Variants in UVRAG observed in about 807,000 individuals in gnomAD.
The protein encoded by UVRAG is UV radiation resistance-associated gene protein.
Under a neutral mutation model 78.0 loss-of-function variants are expected in UVRAG, and 19 were observed. That is an observed-to-expected ratio of 0.24 (90% CI 0.17 to 0.36). The LOEUF is 0.36. UVRAG is among the 10% of genes least tolerant of loss of function. UVRAG has a pLI of 1.00. For missense variants in UVRAG, 740 were observed against 853.8 expected (o/e 0.87, Z 1.66); for synonymous variants, 323 against 324.6 (o/e 1.00, Z 0.05).
chr11:76,086,957 C>G (rs1239999781), intron 13 of UVRAG, among the ~76,000 whole-genome samples: 1 of 152,210 alleles, frequency 6.6e-6, no homozygotes, highest in Non-Finnish European at 1.5e-5. Flanking sequence ...GGCAGCACAG[C>G]TAGTCATACC....
intron 7 of UVRAG, among the ~76,000 whole-genome samples, chr11:75,972,082 C>T (rs770917445): frequency 3.4e-4 from 52 of 151,906 alleles, no homozygotes; most frequent in Non-Finnish European, 6.8e-4. Context: ...AGTGAGACCC[C>T]GTCTGTATTT....
intron 8 of UVRAG, among the ~76,000 whole-genome samples, chr11:75,990,480 T>G (rs571665587): frequency 6.6e-6 from 1 of 152,278 alleles, no homozygotes; most frequent in South Asian, 2.1e-4. Flanking sequence ...CAAAACACCA[T>G]CTGTTTTATT....
intron 12 of UVRAG, among the ~76,000 whole-genome samples, chr11:76,063,955 A>G (rs1951139986): frequency 6.6e-6 from 1 of 152,252 alleles, no homozygotes; most frequent in Non-Finnish European, 1.5e-5. Context: ...TATACTATTC[A>G]ACTTCAAGTG....
At chr11:75,844,128 T>C (rs1272846427) in intron 1 of UVRAG, among the ~76,000 whole-genome samples, 1 of 152,204 alleles carries the variant, frequency 6.6e-6, no homozygotes, top group African/African-American at 2.4e-5. Flanking sequence ...TACTGAACTG[T>C]GGATCTACAA....
At chr11:76,035,761 T>C (rs76217790) in intron 12 of UVRAG, among the ~76,000 whole-genome samples, 2,107 of 152,316 alleles carry the variant, frequency 0.014, 52 homozygotes, top group African/African-American at 0.048. Flanking sequence ...ATATCTACCA[T>C]ATGAATATAC....
intron 12 of UVRAG, among the ~76,000 whole-genome samples, chr11:76,059,255 T>G (rs1316901541): frequency 6.6e-6 from 1 of 152,222 alleles, no homozygotes; most frequent in East Asian, 1.9e-4. Flanking sequence ...AACTTAGCAT[T>G]AAACTAGTTA....
intron 13 of UVRAG, among the ~76,000 whole-genome samples, chr11:76,078,384 A>G (rs1033692999): frequency 1.3e-5 from 2 of 152,144 alleles, no homozygotes; most frequent in East Asian, 3.8e-4. Flanking sequence ...TTATCTGTGG[A>G]TAGACCCATA....
chr11:75,881,363 G>A (rs985299435), intron 4 of UVRAG, among the ~76,000 whole-genome samples: 1 of 152,292 alleles, frequency 6.6e-6, no homozygotes, highest in Admixed American at 6.5e-5. Flanking sequence ...AGGACAACTT[G>A]AAACAAAAGC....
intron 12 of UVRAG, among the ~76,000 whole-genome samples, chr11:76,021,977 C>T (rs1418487391): frequency 2.6e-5 from 4 of 152,136 alleles, no homozygotes; most frequent in African/African-American, 9.6e-5. Context: ...TTGATTAAGC[C>T]CAGGAGGCGA....
chr11:75,871,468 G>T (rs1312660147), intron 3 of UVRAG, among the ~76,000 whole-genome samples: 1 of 151,548 alleles, frequency 6.6e-6, no homozygotes, highest in Non-Finnish European at 1.5e-5. Flanking sequence ...ATTTTTAGTA[G>T]AGACAGGGTT....
chr11:75,872,948 T>G (rs554666996), intron 3 of UVRAG, among the ~76,000 whole-genome samples: 1 of 152,106 alleles, frequency 6.6e-6, no homozygotes, highest in Non-Finnish European at 1.5e-5. Context: ...ATAAATACGC[T>G]AGTAGAAATC....
At chr11:75,965,048 G>A (rs1418110587) in intron 7 of UVRAG, among the ~76,000 whole-genome samples, 4 of 151,964 alleles carry the variant, frequency 2.6e-5, no homozygotes, top group Non-Finnish European at 2.9e-5. Context: ...TTCCAACTTT[G>A]TTAAAACTTC....
chr11:76,062,497 C>A (rs1951113164), intron 12 of UVRAG, among the ~76,000 whole-genome samples: 1 of 152,066 alleles, frequency 6.6e-6, no homozygotes, highest in Admixed American at 6.5e-5. Context: ...TGAAGCCATG[C>A]AGAAAAAAAC....
intron 2 of UVRAG, among the ~76,000 whole-genome samples, chr11:75,857,661 TGTA>T (rs1386360620): frequency 6.6e-6 from 1 of 152,120 alleles, no homozygotes; most frequent in African/African-American, 2.4e-5. Context: ...AGCTAATTTT[TGTA>T]GTTTTAGTAG....
chr11:75,944,821 AT>A lies in UVRAG; in HGVS notation c.594-16622del, dbSNP rs376470978. ...AAGATAGAGTTTAATTGTGAAAAGAATATAGTCTTATACTTGAGTCCTAAAA... is the reference window on the plus strand; with the variant it reads ...AAGATAGAGTTTAATTGTGAAAAGAAATAGTCTTATACTTGAGTCCTAAAA... On this transcript the variant is annotated intron_variant, in intron 6 of 14. Transcript: ENST00000356136. 6.8e-4 allele frequency among the ~76,000 whole-genome samples: 103 copies of A among 152,274 alleles called. 1 individual carries two copies. Among genetic ancestry groups the A allele is most frequent in the African/African-American group, 2.4e-3 (101 of 41,566 alleles).
At chr11:75,966,037 T>C (rs1237772739) in intron 7 of UVRAG, among the ~76,000 whole-genome samples, 2 of 152,194 alleles carry the variant, frequency 1.3e-5, no homozygotes, top group Admixed American at 6.5e-5. Flanking sequence ...GAAGTTCCTC[T>C]TATTCCTAGT....
chr11:76,025,113 T>G (rs1345976168), intron 12 of UVRAG, among the ~76,000 whole-genome samples: 1 of 152,130 alleles, frequency 6.6e-6, no homozygotes, highest in Non-Finnish European at 1.5e-5. Context: ...TGATGCCTTG[T>G]CTAAACCATT....
chr11:75,983,614 T>C, intron 8 of UVRAG, 101 bp downstream of exon 8: 1 of 1,382,152 alleles, frequency 7.2e-7, no homozygotes, highest in East Asian at 2.5e-5. Context: ...GTAAATACAG[T>C]CACACATCAC....
At chr11:75,920,371 A>C (rs192276287) in intron 6 of UVRAG, among the ~76,000 whole-genome samples, 1 of 152,258 alleles carries the variant, frequency 6.6e-6, no homozygotes, top group Admixed American at 6.5e-5. Flanking sequence ...ATTTGTATTT[A>C]TGTGCAGCAG....
Sources: allele counts gnomAD v4.1 joint callset (sites outside exome capture counted in the v4.1 genomes callset), GRCh38; gene constraint gnomAD v4.1.1; transcripts MANE v1.5; gene names NCBI Gene and HGNC (gene_info 2026-07-23, HGNC 2026-07-21).